Variants in PLPPR5 observed in about 807,000 individuals in gnomAD.
PLPPR5 encodes phospholipid phosphatase related 5.
A neutral mutation model predicts 33.9 loss-of-function variants in PLPPR5; 16 were observed. The observed-to-expected ratio is 0.47, with a 90% CI of 0.32 to 0.72. The LOEUF (loss-of-function observed/expected upper bound fraction) is 0.72. PLPPR5 is among the 30% of genes least tolerant of loss of function. PLPPR5 has a pLI of 0.03. For synonymous variants in PLPPR5, 163 were observed against 150.3 expected, an observed-to-expected ratio of 1.08 and a Z score of -0.62; for missense variants, 301 against 406.7, an observed-to-expected ratio of 0.74 and a Z score of 2.23.
At position 98,926,832 on chromosome 1, in the gene PLPPR5, C is replaced by T. The variant is rs12024030; in HGVS notation, c.622-4774G>A. Among the ~76,000 whole-genome samples, 191 of 152,218 alleles carry T rather than the reference C, an allele frequency of 1.3e-3. 3 individuals carry two copies. In the East Asian group the frequency reaches 0.02, roughly 16 times the overall value. Reference sequence around the variant, plus strand: ...TTTACAAACTGCTACTGACATTTTTCGTATAAAATTTTTATTTAAAAAATG... The same window carrying T: ...TTTACAAACTGCTACTGACATTTTTTGTATAAAATTTTTATTTAAAAAATG... On this transcript the variant is annotated intron_variant, in intron 3 of 5. Coordinates refer to ENST00000263177, the MANE Select transcript of PLPPR5 (RefSeq NM_001037317.2).
At chr1:98,957,549 T>C (rs1418956440) in intron 1 of PLPPR5, among the ~76,000 whole-genome samples, 2 of 152,130 alleles carry the variant, frequency 1.3e-5, no homozygotes, top group East Asian at 3.9e-4. Flanking sequence ...CAACAGATTC[T>C]CCATGCAAAT....
chr1:98,898,098 G>C (rs1309862798), intron 5 of PLPPR5, among the ~76,000 whole-genome samples: 2 of 152,014 alleles, frequency 1.3e-5, no homozygotes. Context: ...CCAACAAAAT[G>C]TTTCTTTTAA....
At chr1:98,949,462 CATTG>C (rs1291257387) in intron 3 of PLPPR5, among the ~76,000 whole-genome samples, 2 of 152,126 alleles carry the variant, frequency 1.3e-5, no homozygotes, top group African/African-American at 4.8e-5. Flanking sequence ...TAACAGGGCT[CATTG>C]ATTTTTATTT....
chr1:98,938,348 C>T (rs1322919573), intron 3 of PLPPR5, among the ~76,000 whole-genome samples: 2 of 150,140 alleles, frequency 1.3e-5, no homozygotes, highest in African/African-American at 4.9e-5. Flanking sequence ...ACTGCCTGAG[C>T]CCAGGAGTTC....
intron 3 of PLPPR5, among the ~76,000 whole-genome samples, chr1:98,923,382 A>C (rs1649641775): frequency 6.6e-6 from 1 of 152,246 alleles, no homozygotes; most frequent in African/African-American, 2.4e-5. Flanking sequence ...ATTCTTAGAA[A>C]TGCATATATA....
At chr1:98,945,401 T>G (rs779584557) in intron 3 of PLPPR5, among the ~76,000 whole-genome samples, 3 of 152,200 alleles carry the variant, frequency 2.0e-5, no homozygotes, top group Non-Finnish European at 4.4e-5. Flanking sequence ...TAAAATCAAC[T>G]AACAAGTTTC....
chr1:99,005,674 A>G (rs2100775063), upstream of PLPPR5, among the ~76,000 whole-genome samples: 1 of 152,198 alleles, frequency 6.6e-6, no homozygotes, highest in East Asian at 1.9e-4. Context: ...AGGAAAAAGG[A>G]CTATTTGCCT....
At chr1:98,949,279 T>TC (rs1650686708) in intron 3 of PLPPR5, among the ~76,000 whole-genome samples, 2 of 151,628 alleles carry the variant, frequency 1.3e-5, no homozygotes, top group South Asian at 4.2e-4. Context: ...TTTTTTTTTT[T>TC]ATTATTCCTG....
intron 4 of PLPPR5, among the ~76,000 whole-genome samples, chr1:98,918,309 A>G (rs1649432396): frequency 6.6e-6 from 1 of 152,174 alleles, no homozygotes; most frequent in Non-Finnish European, 1.5e-5. Context: ...GACAATAAAA[A>G]CATTTCACTG....
chr1:99,003,985 C>G (rs555916384), intron 1 of PLPPR5, among the ~76,000 whole-genome samples: 77 of 152,302 alleles, frequency 5.1e-4, no homozygotes, highest in African/African-American at 1.7e-3. Flanking sequence ...AAGTGGGAGT[C>G]CCTTTCACAC....
chr1:98,944,598 G>C (rs572318098), intron 3 of PLPPR5, among the ~76,000 whole-genome samples: 1 of 152,354 alleles, frequency 6.6e-6, no homozygotes, highest in East Asian at 1.9e-4. Flanking sequence ...AAAGCTGTGA[G>C]AAATGAATTT....
In PLPPR5 at chr1:98,957,335, A is replaced by G. The variant is rs866227340; in HGVS notation, c.238-594T>C. Among the ~76,000 whole-genome samples, 4 of 105,444 alleles carry G rather than the reference A, an allele frequency of 3.8e-5. No individual in the cohort carries two copies. The South Asian group carries it at 1.0e-3, about 26-fold the overall frequency. The allele number at this position is 105,444 out of a possible 152,430, so 69.2% of individuals were successfully genotyped here. ...CATGTGCCCTAAAACTTAAAGTATAATAATAATAAATAAATAAATAAAAAG... is the reference window on the plus strand; with the variant it reads ...CATGTGCCCTAAAACTTAAAGTATAGTAATAATAAATAAATAAATAAAAAG... On this transcript the variant is annotated intron_variant, in intron 1 of 5. Coordinates refer to ENST00000263177, the MANE Select transcript of PLPPR5 (RefSeq NM_001037317.2).
At chr1:98,982,218 G>A (rs1459976432) in intron 1 of PLPPR5, among the ~76,000 whole-genome samples, 3 of 151,938 alleles carry the variant, frequency 2.0e-5, no homozygotes, top group Non-Finnish European at 4.4e-5. Flanking sequence ...ATATATACAC[G>A]TTTTCAGATG....
intron 1 of PLPPR5, among the ~76,000 whole-genome samples, chr1:98,976,631 T>C (rs1270364064): frequency 1.3e-5 from 2 of 152,038 alleles, no homozygotes; most frequent in Non-Finnish European, 2.9e-5. Context: ...AGGTGGCTAA[T>C]CCAGATTGAG....
chr1:98,976,746 G>T (rs1363011003), intron 1 of PLPPR5, among the ~76,000 whole-genome samples: 2 of 151,978 alleles, frequency 1.3e-5, no homozygotes, highest in African/African-American at 4.8e-5. Context: ...TGTGTATATT[G>T]ATTACATGTT....
chr1:98,891,265 A>G lies in PLPPR5; in HGVS notation c.*1807T>C, dbSNP rs1351487. ...CCCTAGTAGAAGTGTTTTAGCTTCC[A>G]CAGTGATAGAAATGGGCAAATAACA... is the stretch of plus-strand genomic sequence containing the variant. On this transcript the variant is annotated 3_prime_UTR_variant, in exon 6 of 6. Coordinates refer to ENST00000263177, the MANE Select transcript of PLPPR5 (RefSeq NM_001037317.2). 6.6e-6 allele frequency: 1 copy of G among 152,074 alleles called. No homozygotes were observed. The highest frequency in any genetic ancestry group is 6.6e-5 in the Admixed American group (1 of 15,226). The allele number at this position is 152,074 out of a possible 1,614,324, so 9.4% of individuals were successfully genotyped here. A position where few individuals can be genotyped will look rare whatever the true frequency, so the allele number is the denominator to read the frequency against.
intron 5 of PLPPR5, among the ~76,000 whole-genome samples, chr1:98,908,326 T>A (rs1648982045): frequency 6.6e-6 from 1 of 152,164 alleles, no homozygotes. Context: ...CAAAAAAAAT[T>A]TACTGTAGTT....
At chr1:98,926,110 C>A (rs1038681498) in intron 3 of PLPPR5, among the ~76,000 whole-genome samples, 1 of 152,124 alleles carries the variant, frequency 6.6e-6, no homozygotes, top group Non-Finnish European at 1.5e-5. Context: ...TATACGTATT[C>A]TTTTACTGTT....
chr1:98,916,148 T>C (rs17392625), intron 4 of PLPPR5, among the ~76,000 whole-genome samples: 26,130 of 152,208 alleles, frequency 0.17, 2,498 homozygotes, highest in Non-Finnish European at 0.21. Context: ...TAGATCTTGG[T>C]TGCTTTCCAG....
Sources: allele counts gnomAD v4.1 joint callset (sites outside exome capture counted in the v4.1 genomes callset), GRCh38; gene constraint gnomAD v4.1.1; transcripts MANE v1.5; gene names NCBI Gene and HGNC (gene_info 2026-07-23, HGNC 2026-07-21).